CTNNA2: variants seen among roughly 807,000 people sequenced by gnomAD.
The protein encoded by CTNNA2 is catenin alpha 2.
A neutral mutation model predicts 101.0 loss-of-function variants in CTNNA2; 42 were observed. That is an observed-to-expected ratio of 0.42 (90% CI 0.32 to 0.54). The LOEUF (loss-of-function observed/expected upper bound fraction) is 0.54. Ranked by LOEUF, CTNNA2 falls within the 20% of genes least tolerant of loss-of-function variation. CTNNA2 has a pLI of 0.14. For missense variants in CTNNA2, 871 were observed against 1,223.1 expected (o/e 0.71, Z 4.29); for synonymous variants, 450 against 456.4 (o/e 0.99, Z 0.18).
intron 7 of CTNNA2, among the ~76,000 whole-genome samples, chr2:80,297,445 C>G (rs1351398406): frequency 6.6e-6 from 1 of 152,126 alleles, no homozygotes; most frequent in Non-Finnish European, 1.5e-5. Flanking sequence ...AGGCACCATA[C>G]CAGCGACTGC....
chr2:80,348,588 A>C (rs1369987703), intron 7 of CTNNA2, among the ~76,000 whole-genome samples: 1 of 152,046 alleles, frequency 6.6e-6, no homozygotes, highest in East Asian at 1.9e-4. Context: ...TTCTGGAAAA[A>C]CGTAGCTGTG....
intron 7 of CTNNA2, among the ~76,000 whole-genome samples, chr2:80,135,963 A>G (rs1414391176): frequency 6.6e-6 from 1 of 152,150 alleles, no homozygotes; most frequent in Non-Finnish European, 1.5e-5. Context: ...GCAGTGTGGT[A>G]TAGAGGAAGG....
At chr2:79,586,595 A>G (rs902095948) in intron 1 of CTNNA2, among the ~76,000 whole-genome samples, 7 of 151,260 alleles carry the variant, frequency 4.6e-5, no homozygotes, top group African/African-American at 1.7e-4. Flanking sequence ...TTTTTAAACC[A>G]TTCACATCAT....
At chr2:79,892,028 T>TTAACTA (rs1228393679) in intron 6 of CTNNA2, among the ~76,000 whole-genome samples, 2 of 152,192 alleles carry the variant, frequency 1.3e-5, no homozygotes, top group African/African-American at 4.8e-5. Context: ...ATGTCCTTTA[T>TTAACTA]TAACTATTGT....
At chr2:79,971,454 G>A (rs886398683) in intron 7 of CTNNA2, among the ~76,000 whole-genome samples, 68 of 152,092 alleles carry the variant, frequency 4.5e-4, no homozygotes, top group African/African-American at 1.2e-3. Flanking sequence ...GAATATGAAC[G>A]CTAGCTCTTA....
chr2:79,659,960 T>A (rs1261949235), intron 2 of CTNNA2, among the ~76,000 whole-genome samples: 1 of 152,158 alleles, frequency 6.6e-6, no homozygotes, highest in Non-Finnish European at 1.5e-5. Flanking sequence ...GCCAGTGCAC[T>A]CCAGCCTGAG....
intron 2 of CTNNA2, among the ~76,000 whole-genome samples, chr2:79,706,324 C>T (rs1032645147): frequency 4.2e-5 from 6 of 142,684 alleles, no homozygotes; most frequent in Admixed American, 1.5e-4. Context: ...GATCACGCCA[C>T]TGCACTCCGC....
chr2:80,420,091 CT>C (rs1342708495), intron 9 of CTNNA2, among the ~76,000 whole-genome samples: 1 of 129,660 alleles, frequency 7.7e-6, no homozygotes, highest in African/African-American at 2.9e-5. Flanking sequence ...GATGTTTGAA[CT>C]TTTGGTGGAA....
At chr2:79,594,912 C>T (rs949247735) in intron 1 of CTNNA2, among the ~76,000 whole-genome samples, 3 of 152,034 alleles carry the variant, frequency 2.0e-5, no homozygotes, top group African/African-American at 4.8e-5. Context: ...CTGATATTTC[C>T]TCATATGCTT....
intron 7 of CTNNA2, among the ~76,000 whole-genome samples, chr2:80,307,203 C>T (rs1677112529): frequency 6.6e-6 from 1 of 151,920 alleles, no homozygotes; most frequent in Admixed American, 6.6e-5. Flanking sequence ...CTTGGCAGAA[C>T]CGTATACATT....
chr2:79,373,626 G>A (rs1345637337), intron 3 of CTNNA2, among the ~76,000 whole-genome samples: 7 of 150,804 alleles, frequency 4.6e-5, no homozygotes, highest in Admixed American at 1.3e-4. Context: ...GATGGAGGGA[G>A]AGGAGGGAAA....
intron 7 of CTNNA2, among the ~76,000 whole-genome samples, chr2:80,310,990 A>T (rs1677520014): frequency 6.7e-6 from 1 of 149,162 alleles, no homozygotes. Context: ...AAAAAAAAAA[A>T]TGTAAATAGA....
intron 8 of CTNNA2, among the ~76,000 whole-genome samples, chr2:80,415,355 C>T (rs1186264582): frequency 2.0e-5 from 3 of 152,162 alleles, no homozygotes; most frequent in Non-Finnish European, 2.9e-5. Context: ...CTTATTTGTA[C>T]ACTCCTGGCC....
At chr2:80,404,826 T>C (rs1444572956) in intron 8 of CTNNA2, among the ~76,000 whole-genome samples, 1 of 152,182 alleles carries the variant, frequency 6.6e-6, no homozygotes, top group Non-Finnish European at 1.5e-5. Flanking sequence ...ATTTTACTTG[T>C]TAGAAAATTG....
chr2:79,776,929 T>C (rs962870412), intron 3 of CTNNA2: 1 of 152,172 alleles, frequency 6.6e-6, no homozygotes, highest in Non-Finnish European at 1.5e-5. Flanking sequence ...CTAGAGCATG[T>C]AAGTACACAT....
intron 9 of CTNNA2, among the ~76,000 whole-genome samples, chr2:80,473,081 A>G (rs866229005): frequency 6.6e-6 from 1 of 152,190 alleles, no homozygotes; most frequent in Non-Finnish European, 1.5e-5. Context: ...GGACAGTACT[A>G]TTTGAGAACA....
chr2:79,559,429 G>A (rs1674636850), intron 1 of CTNNA2, among the ~76,000 whole-genome samples: 1 of 151,942 alleles, frequency 6.6e-6, no homozygotes, highest in Non-Finnish European at 1.5e-5. Context: ...ACTGATGAAA[G>A]TGAGAAATAA....
chr2:80,447,161 T>C (rs1683138995), intron 9 of CTNNA2, among the ~76,000 whole-genome samples: 1 of 152,186 alleles, frequency 6.6e-6, no homozygotes, highest in African/African-American at 2.4e-5. Context: ...TGGAATATTT[T>C]AGAAGGGAAT....
chr2:80,268,431 A>T (rs970513462), intron 7 of CTNNA2, among the ~76,000 whole-genome samples: 3 of 152,208 alleles, frequency 2.0e-5, no homozygotes, highest in African/African-American at 7.2e-5. Flanking sequence ...ATGATTGCCC[A>T]AGTTCACAGA....
Sources: allele counts gnomAD v4.1 joint callset (sites outside exome capture counted in the v4.1 genomes callset), GRCh38; gene constraint gnomAD v4.1.1; transcripts MANE v1.5; gene names NCBI Gene and HGNC (gene_info 2026-07-23, HGNC 2026-07-21).